Variants in ADH1C observed in about 807,000 individuals in gnomAD.
ADH1C encodes alcohol dehydrogenase 1C.
In ADH1C, 26 loss-of-function variants were observed where a neutral mutation model predicts 35.0. The ratio of observed to expected loss-of-function variants is 0.74; its 90% CI spans 0.54 to 1.03. The LOEUF (loss-of-function observed/expected upper bound fraction) is 1.03, where lower values mean the gene tolerates loss of function less well. Ranked by LOEUF, ADH1C falls within the 50% of genes least tolerant of loss-of-function variation. The pLI is 0.00. For missense variants in ADH1C, 413 were observed against 465.4 expected, an observed-to-expected ratio of 0.89 and a Z score of 1.04; for synonymous variants, 170 against 169.3, an observed-to-expected ratio of 1.00 and a Z score of -0.03.
chr4:99,352,259 A>G (rs1421331161), intron 1 of ADH1C, among the ~76,000 whole-genome samples: 1 of 152,224 alleles, frequency 6.6e-6, no homozygotes, highest in Non-Finnish European at 1.5e-5. Context: ...AACACATTTA[A>G]ATTATGCTTT....
At chr4:99,338,969 A>G (rs1449861182) in intron 8 of ADH1C, among the ~76,000 whole-genome samples, 1 of 152,004 alleles carries the variant, frequency 6.6e-6, no homozygotes, top group Admixed American at 6.6e-5. Context: ...TTTTTCTAAG[A>G]CTTGGAGAAA....
chr4:99,347,910 T>G (rs1249439381), intron 1 of ADH1C, 64 bp from the exon 2 acceptor site: 1 of 1,584,384 alleles, frequency 6.3e-7, no homozygotes, highest in African/African-American at 1.3e-5. Flanking sequence ...AAATTGTGTC[T>G]TTTCATCTTT....
intron 6 of ADH1C, 144 bp downstream of exon 6, chr4:99,342,651 A>C: frequency 7.4e-7 from 1 of 1,359,102 alleles, no homozygotes; most frequent in South Asian, 1.4e-5. Context: ...ACAATAAATT[A>C]AACAAGCCAG....
intron 8 of ADH1C, 43 bp downstream of exon 8, chr4:99,339,534 C>A: frequency 1.1e-5 from 13 of 1,165,732 alleles, no homozygotes; most frequent in East Asian, 2.7e-5. Flanking sequence ...CCCGCCGCTA[C>A]TGTAGAATAC....
At chr4:99,342,027 T>A (rs1011507431) in intron 6 of ADH1C, among the ~76,000 whole-genome samples, 20 of 141,068 alleles carry the variant, frequency 1.4e-4, no homozygotes, top group East Asian at 2.1e-4. Flanking sequence ...AAAAAAAAAA[T>A]AAATAAATAA....
rs70956001 is a variant in ADH1C, at chr4:99,349,805, CTGTGTG to C, written c.19-1965_19-1960del. Among the ~76,000 whole-genome samples, 282 of 84,454 alleles carry C rather than the reference CTGTGTG, an allele frequency of 3.3e-3. 1 individual carries two copies. The highest frequency in any genetic ancestry group is 4.5e-3 in the Non-Finnish European group (141 of 31,184). 55.4% of individuals were successfully genotyped at this position (84,454 alleles called of 152,430 possible). ...GAGTTGGTGTTGTGTATGTGTGTTT[CTGTGTG>C]TGTGTGTGTGTGTGTGCATTCAGAC... is the stretch of plus-strand genomic sequence containing the variant. On this transcript the variant is annotated intron_variant, in intron 1 of 8. Transcript: ENST00000515683.
At chr4:99,350,304 A>C (rs1427082108) in intron 1 of ADH1C, among the ~76,000 whole-genome samples, 1 of 151,852 alleles carries the variant, frequency 6.6e-6, no homozygotes, top group Non-Finnish European at 1.5e-5. Flanking sequence ...TTTGGGGTGC[A>C]GGTTGTTTTT....
At chr4:99,342,514 T>A (rs1432855828) in intron 6 of ADH1C, among the ~76,000 whole-genome samples, 1 of 152,172 alleles carries the variant, frequency 6.6e-6, no homozygotes, top group African/African-American at 2.4e-5. Context: ...AGTTTGCATT[T>A]TAAACTAAAA....
At chr4:99,349,880 T>G (rs1240204685) in intron 1 of ADH1C, among the ~76,000 whole-genome samples, 1 of 152,048 alleles carries the variant, frequency 6.6e-6, no homozygotes, top group Non-Finnish European at 1.5e-5. Flanking sequence ...GTATTTGAGT[T>G]TCTAGCTAGC....
At chr4:99,341,015 G>A (rs1390076624) in intron 6 of ADH1C, among the ~76,000 whole-genome samples, 1 of 152,196 alleles carries the variant, frequency 6.6e-6, no homozygotes, top group Non-Finnish European at 1.5e-5. Context: ...CCTTGTACAA[G>A]TGTACATCAT....
intron 2 of ADH1C, 68 bp from the exon 3 acceptor site, chr4:99,347,212 C>A: frequency 6.5e-7 from 1 of 1,534,294 alleles, no homozygotes; most frequent in Non-Finnish European, 8.7e-7. Flanking sequence ...TTAACAAACC[C>A]AATTTTCTAA....
chr4:99,337,549 T>C (rs142649388), intron 8 of ADH1C, among the ~76,000 whole-genome samples: 1 of 152,186 alleles, frequency 6.6e-6, no homozygotes, highest in Admixed American at 6.5e-5. Flanking sequence ...ATGAACACTT[T>C]TAAGAAAAGA....
At position 99,340,710 on chromosome 4, in the gene ADH1C, T is replaced by G; in HGVS notation, c.829A>C (p.Met277Leu). The change falls in exon 7 of 9, where the codon ATG (methionine) becomes CTG (leucine). Residue 277 changes from methionine (M) to leucine (L), a missense_variant and splice_region_variant. Coordinates refer to ENST00000515683, the MANE Select transcript of ADH1C (RefSeq NM_000669.5). Reference sequence around the variant, plus strand: ...TCATGACAACATAACAGGGAAGCCATCTGGAATAAAGTGAACATTTAGTAT... The same window carrying G: ...TCATGACAACATAACAGGGAAGCCAGCTGGAATAAAGTGAACATTTAGTAT... ...FEVIGRLDTMMASLLCCHEAC... is the reference protein window; with the variant it reads ...FEVIGRLDTMLASLLCCHEAC... The G allele has an allele frequency of 1.2e-6, 2 of 1,612,442 alleles. No individual in the cohort carries two copies. The highest frequency in any genetic ancestry group is 1.7e-6 in the Non-Finnish European group (2 of 1,179,974).
intron 3 of ADH1C, among the ~76,000 whole-genome samples, chr4:99,345,839 A>G (rs989734743): frequency 6.6e-6 from 1 of 152,200 alleles, no homozygotes; most frequent in Non-Finnish European, 1.5e-5. Flanking sequence ...CAAAAATAGG[A>G]CAAAGAAGAA....
Position 99,338,393 on chromosome 4 carries a change from T to TTTTATA in ADH1C, c.1103+1183_1103+1184insTATAAA, listed in dbSNP as rs1334509876. On this transcript the variant is annotated intron_variant, in intron 8 of 8. Transcript: ENST00000515683. Reference sequence around the variant, plus strand: ...TAATTAACCTTTGATGAATACTGTTTTCTATATATATATATATATATATAT... The same window carrying TTTTATA: ...TAATTAACCTTTGATGAATACTGTTTTTTATATCTATATATATATATATATATATAT... Among the ~76,000 whole-genome samples, 303 of 73,074 alleles carry TTTTATA rather than the reference T, an allele frequency of 4.1e-3. 16 individuals carry two copies. The highest frequency in any genetic ancestry group is 6.1e-3 in the South Asian group (9 of 1,480). 47.9% of individuals were successfully genotyped at this position (73,074 alleles called of 152,430 possible).
intron 6 of ADH1C, among the ~76,000 whole-genome samples, chr4:99,340,991 T>C (rs1331123313): frequency 6.6e-6 from 1 of 152,246 alleles, no homozygotes; most frequent in Non-Finnish European, 1.5e-5. Flanking sequence ...TACAAACATA[T>C]ATAAAGTCCT....
chr4:99,338,490 T>G (rs1734336848), intron 8 of ADH1C, among the ~76,000 whole-genome samples: 2 of 133,156 alleles, frequency 1.5e-5, no homozygotes, highest in African/African-American at 5.6e-5. Context: ...GTGAATAGAT[T>G]TGCTAATAAC....
intron 3 of ADH1C, among the ~76,000 whole-genome samples, chr4:99,345,503 A>T (rs1051807729): frequency 3.3e-5 from 5 of 152,232 alleles, no homozygotes; most frequent in African/African-American, 1.2e-4. Context: ...AAGATGGATT[A>T]AAAAAATTCC....
chr4:99,342,023 A>AAT (rs1734427455), intron 6 of ADH1C, among the ~76,000 whole-genome samples: 8 of 142,550 alleles, frequency 5.6e-5, no homozygotes, highest in East Asian at 2.0e-4. Flanking sequence ...AAAAAAAAAA[A>AAT]AAATAAATAA....
Sources: gnomAD v4.1 joint callset for allele counts (sites outside exome capture counted in the v4.1 genomes callset) on GRCh38, gnomAD v4.1.1 for gene constraint, MANE v1.5 for transcripts, NCBI Gene and HGNC (gene_info 2026-07-23, HGNC 2026-07-21) for gene names.